BLTP1: variants seen among roughly 807,000 people sequenced by gnomAD.
BLTP1 encodes fragile site-associated protein.
At chr4:122,301,569 A>G in the BLTP1 span, among the ~76,000 whole-genome samples, 2 of 152,148 alleles carry the variant, frequency 1.3e-5, no homozygotes, top group African/African-American at 2.4e-5. Flanking sequence ...ATTCTTTAGG[A>G]CTTTTTTCCT....
At chr4:122,301,418 C>A in the BLTP1 span, 1 of 1,437,764 alleles carries the variant, frequency 7.0e-7, no homozygotes, top group Non-Finnish European at 9.4e-7. Flanking sequence ...TATAATGATA[C>A]TTTTATAAAA....
the BLTP1 span, chr4:122,270,300 C>T: frequency 1.0e-6 from 1 of 963,948 alleles, no homozygotes; most frequent in Non-Finnish European, 1.2e-6. Context: ...AGAAAAAACT[C>T]CCATGTCTGC....
At chr4:122,316,722 G>T in the BLTP1 span, 2 of 1,601,044 alleles carry the variant, frequency 1.2e-6, no homozygotes, top group South Asian at 2.3e-5. Context: ...ATACACTTTT[G>T]ACTTTTCAGG....
At chr4:122,344,906 T>C in the BLTP1 span, 11 of 985,186 alleles carry the variant, frequency 1.1e-5, no homozygotes, top group Non-Finnish European at 1.3e-5. Context: ...GGATGAGTGA[T>C]GTTTAAAAAT....
the BLTP1 span, among the ~76,000 whole-genome samples, chr4:122,241,581 C>G: frequency 1.3e-5 from 2 of 152,062 alleles, no homozygotes; most frequent in Non-Finnish European, 2.9e-5. Flanking sequence ...AATGATGGGA[C>G]ATGATACATG....
chr4:122,310,944 T>C, the BLTP1 span: 1 of 915,816 alleles, frequency 1.1e-6, no homozygotes, highest in Non-Finnish European at 1.3e-6. Context: ...GAAATCTTTA[T>C]AGATTTATTA....
At chr4:122,349,540 C>G in the BLTP1 span, 1 of 1,612,502 alleles carries the variant, frequency 6.2e-7, no homozygotes, top group Non-Finnish European at 8.5e-7. This position sits in a 1 kb window ranked among gnomAD's most constrained non-coding sequence, Gnocchi z 4.5. Context: ...TACATGGGCT[C>G]AAGTATCCTC....
chr4:122,237,366 T>G, the BLTP1 span: 4 of 985,230 alleles, frequency 4.1e-6, no homozygotes, highest in Middle Eastern at 5.2e-4. Context: ...ACTCTGATCC[T>G]AAAGTCGTTA....
the BLTP1 span, among the ~76,000 whole-genome samples, chr4:122,265,777 C>A: frequency 9.2e-5 from 14 of 152,222 alleles, no homozygotes; most frequent in Non-Finnish European, 1.3e-4. Flanking sequence ...TGGCTCACTG[C>A]AAGCTCCACC....
At chr4:122,333,685 A>C in the BLTP1 span, 1 of 1,611,720 alleles carries the variant, frequency 6.2e-7, no homozygotes, top group Admixed American at 1.7e-5. Context: ...AAAAAGAAGA[A>C]GTTTCAAACT....
chr4:122,176,034 G>A, the BLTP1 span: 1 of 582,036 alleles, frequency 1.7e-6, no homozygotes, highest in Non-Finnish European at 3.1e-6. Flanking sequence ...AGTCACGGTG[G>A]CTTATGTCTG....
chr4:122,229,130 A>G, the BLTP1 span: 2 of 1,598,418 alleles, frequency 1.3e-6, no homozygotes, highest in South Asian at 1.1e-5. Flanking sequence ...GTTGAGTTGT[A>G]TTCCTGGGCC....
chr4:122,254,298 G>A, the BLTP1 span: 1 of 1,613,406 alleles, frequency 6.2e-7, no homozygotes, highest in Non-Finnish European at 8.5e-7. Flanking sequence ...ATTTGGTTTA[G>A]TTTTGCAGCT....
chr4:122,301,499 T>C, the BLTP1 span: 2 of 603,360 alleles, frequency 3.3e-6, no homozygotes, highest in South Asian at 3.5e-5. Flanking sequence ...AAACAGAAAA[T>C]AAAAATGATC....
At chr4:122,273,415 A>G in the BLTP1 span, 1 of 984,090 alleles carries the variant, frequency 1.0e-6, no homozygotes, top group African/African-American at 1.8e-5. Flanking sequence ...AAATACAAAT[A>G]CATCAGCCTT....
the BLTP1 span, chr4:122,341,938 C>T: frequency 3.8e-5 from 19 of 496,250 alleles, no homozygotes; most frequent in Non-Finnish European, 4.7e-5. Context: ...GAAGAAGAAA[C>T]AGTTTGTCAA....
the BLTP1 span, chr4:122,170,056 C>T: frequency 1.1e-6 from 1 of 936,994 alleles, no homozygotes; most frequent in Non-Finnish European, 1.3e-6. Flanking sequence ...CATGTAATCC[C>T]AGCACTTTGG....
the BLTP1 span, chr4:122,258,971 T>C: frequency 1.7e-6 from 1 of 579,134 alleles, no homozygotes; most frequent in South Asian, 2.5e-5. Flanking sequence ...GAAATTAACT[T>C]GATTTGTAAT....
the BLTP1 span, chr4:122,346,846 G>C: frequency 2.0e-6 from 3 of 1,537,228 alleles, no homozygotes; most frequent in Non-Finnish European, 2.6e-6. Context: ...ACTTGGCAGG[G>C]TGTACCATGT....
Sources: gnomAD v4.1 joint callset for allele counts (sites outside exome capture counted in the v4.1 genomes callset) on GRCh38, gnomAD v4.1.1 for gene constraint, Gnocchi (gnomAD v3.1) non-coding constraint, MANE v1.5 for transcripts, NCBI Gene and HGNC (gene_info 2026-07-23, HGNC 2026-07-21) for gene names.